Variants in CCSER1 observed in about 807,000 individuals in gnomAD.
CCSER1 encodes coiled-coil serine rich protein 1.
Under a neutral mutation model 82.0 loss-of-function variants are expected in CCSER1, and 41 were observed. That is an observed-to-expected ratio of 0.50 (90% CI 0.39 to 0.65). The LOEUF (loss-of-function observed/expected upper bound fraction) is 0.65, where lower values mean the gene tolerates loss of function less well. Ranked by LOEUF, CCSER1 falls within the 30% of genes least tolerant of loss-of-function variation. CCSER1 has a pLI of 0.00. For synonymous variants in CCSER1, 414 were observed against 383.9 expected, an observed-to-expected ratio of 1.08 and a Z score of -0.92; for missense variants, 1,119 against 1,064.2, an observed-to-expected ratio of 1.05 and a Z score of -0.72.
At chr4:90,481,358 C>G (rs1409869953) in intron 5 of CCSER1, among the ~76,000 whole-genome samples, 2 of 152,098 alleles carry the variant, frequency 1.3e-5, no homozygotes, top group Non-Finnish European at 2.9e-5. Context: ...TGAATACCCT[C>G]TATTTCCTTC....
intron 3 of CCSER1, among the ~76,000 whole-genome samples, chr4:90,341,443 C>G (rs1741367362): frequency 6.6e-6 from 1 of 152,034 alleles, no homozygotes; most frequent in Non-Finnish European, 1.5e-5. Flanking sequence ...CATAAATCCA[C>G]AAGGAGCATT....
chr4:90,470,863 A>G (rs2153590306), intron 5 of CCSER1, among the ~76,000 whole-genome samples: 1 of 151,804 alleles, frequency 6.6e-6, no homozygotes, highest in Non-Finnish European at 1.5e-5. Flanking sequence ...AACAATCACT[A>G]TATCCAAAAG....
chr4:91,551,949 G>A (rs532368356), intron 10 of CCSER1, among the ~76,000 whole-genome samples: 11 of 151,750 alleles, frequency 7.2e-5, no homozygotes, highest in African/African-American at 2.7e-4. Context: ...GCAAAAGGGA[G>A]GGGAAAAATG....
chr4:90,864,893 A>G (rs1765549848), intron 8 of CCSER1, among the ~76,000 whole-genome samples: 1 of 151,974 alleles, frequency 6.6e-6, no homozygotes, highest in African/African-American at 2.4e-5. Context: ...TGTGTTTCCA[A>G]TGACTTGTAA....
At chr4:90,675,388 T>C (rs1285977521) in intron 6 of CCSER1, among the ~76,000 whole-genome samples, 1 of 151,976 alleles carries the variant, frequency 6.6e-6, no homozygotes, top group East Asian at 1.9e-4. Flanking sequence ...TATTACTATA[T>C]GTCTAGTAAA....
chr4:91,195,529 C>T (rs1453509722), intron 10 of CCSER1, among the ~76,000 whole-genome samples: 4 of 152,018 alleles, frequency 2.6e-5, no homozygotes, highest in African/African-American at 7.2e-5. Flanking sequence ...CAATATAATT[C>T]GCAATTAACT....
intron 5 of CCSER1, among the ~76,000 whole-genome samples, chr4:90,585,376 C>G (rs1166961561): frequency 2.0e-5 from 3 of 152,104 alleles, no homozygotes; most frequent in Admixed American, 1.3e-4. Flanking sequence ...ATTCATTCCA[C>G]ATGATAGTTA....
chr4:90,223,748 G>T (rs10005084), intron 1 of CCSER1, among the ~76,000 whole-genome samples: 37 of 152,266 alleles, frequency 2.4e-4, no homozygotes, highest in Admixed American at 7.2e-4. Flanking sequence ...ACAATATAAC[G>T]TAAAAAAAGT....
intron 10 of CCSER1, among the ~76,000 whole-genome samples, chr4:91,211,592 A>G (rs1010299902): frequency 1.3e-5 from 2 of 152,102 alleles, no homozygotes; most frequent in Admixed American, 1.3e-4. Flanking sequence ...ACATTCTGTC[A>G]GTACGCATGT....
chr4:90,493,987 AAGACCCATCAGTGTGCTGTATTCAGG>A (rs1768537870), intron 5 of CCSER1, among the ~76,000 whole-genome samples: 1 of 152,218 alleles, frequency 6.6e-6, no homozygotes, highest in Non-Finnish European at 1.5e-5. Flanking sequence ...ATAAAGAGTC[AAGACCCATCAGTGTGCTGTATTCAGG>A]AGACCCATCT....
intron 1 of CCSER1, among the ~76,000 whole-genome samples, chr4:90,223,431 A>T (rs1416503377): frequency 6.6e-6 from 1 of 152,190 alleles, no homozygotes; most frequent in African/African-American, 2.4e-5. Flanking sequence ...ACCCAATTGC[A>T]TGGTACAAAA....
intron 10 of CCSER1, among the ~76,000 whole-genome samples, chr4:91,152,107 C>G (rs1376066126): frequency 1.3e-5 from 2 of 152,140 alleles, no homozygotes; most frequent in Non-Finnish European, 2.9e-5. Flanking sequence ...GTGTAGGAGT[C>G]TAAGTCTCTT....
chr4:91,146,664 T>C (rs1729572712), intron 10 of CCSER1, among the ~76,000 whole-genome samples: 2 of 152,150 alleles, frequency 1.3e-5, no homozygotes, highest in Admixed American at 1.3e-4. Flanking sequence ...TTGTGGTGTA[T>C]GTTGTTTATA....
intron 10 of CCSER1, among the ~76,000 whole-genome samples, chr4:91,190,225 G>A (rs1160551835): frequency 6.6e-6 from 1 of 152,170 alleles, no homozygotes; most frequent in African/African-American, 2.4e-5. Context: ...AACTTTCTCA[G>A]TTAGATACAA....
chr4:90,227,910 C>A lies in CCSER1; in HGVS notation c.-41-80334C>A, dbSNP rs149389760. On this transcript the variant is annotated intron_variant, in intron 1 of 10. Coordinates refer to ENST00000509176, the MANE Select transcript of CCSER1 (RefSeq NM_001145065.2). ...ACTTCCACCCGAATACAGCGCTTTT[C>A]CGACGGGCTTAAAAAACGCCGCACC... 1.8e-4 allele frequency among the ~76,000 whole-genome samples: 27 copies of A among 152,354 alleles called. No homozygotes were observed. The South Asian group carries it at 3.1e-3, about 18-fold the overall frequency.
At chr4:90,851,495 G>A (rs915249756) in intron 8 of CCSER1, among the ~76,000 whole-genome samples, 3 of 151,818 alleles carry the variant, frequency 2.0e-5, no homozygotes, top group African/African-American at 7.3e-5. Flanking sequence ...TTTTTAAATG[G>A]TTGAGATTTT....
At chr4:90,536,298 T>C (rs1775353042) in intron 5 of CCSER1, among the ~76,000 whole-genome samples, 1 of 152,186 alleles carries the variant, frequency 6.6e-6, no homozygotes, top group Non-Finnish European at 1.5e-5. Flanking sequence ...CCTCCCAAAA[T>C]GTTGGGATTA....
intron 4 of CCSER1, among the ~76,000 whole-genome samples, chr4:90,448,724 C>T (rs1032184022): frequency 6.6e-6 from 1 of 151,786 alleles, no homozygotes; most frequent in Admixed American, 6.6e-5. Flanking sequence ...TATAAATGCT[C>T]TTTACAAGTG....
chr4:90,251,784 CA>C (rs1412528412), intron 1 of CCSER1, among the ~76,000 whole-genome samples: 4 of 151,680 alleles, frequency 2.6e-5, no homozygotes, highest in African/African-American at 4.8e-5. Flanking sequence ...TGTTGGAATG[CA>C]GTTGTTCATA....
Sources: allele counts gnomAD v4.1 joint callset (sites outside exome capture counted in the v4.1 genomes callset), GRCh38; gene constraint gnomAD v4.1.1; transcripts MANE v1.5; gene names NCBI Gene and HGNC (gene_info 2026-07-23, HGNC 2026-07-21).